The following FARS2 variants were observed in gnomAD, a reference collection of about 807,000 sequenced individuals.
FARS2 encodes phenylalanyl-tRNA synthetase 2, mitochondrial, also known as phenylalanine--tRNA ligase, mitochondrial.
In FARS2, 40 loss-of-function variants were observed where a neutral mutation model predicts 46.4. The ratio of observed to expected loss-of-function variants is 0.86; its 90% CI spans 0.67 to 1.12. The LOEUF is 1.12. FARS2 is among the 50% of genes most tolerant of loss of function. The pLI, the probability that FARS2 is intolerant of heterozygous loss-of-function variation, is 0.00. For synonymous variants in FARS2, 234 were observed against 214.9 expected, an observed-to-expected ratio of 1.09 and a Z score of -0.78; for missense variants, 513 against 567.9, an observed-to-expected ratio of 0.90 and a Z score of 0.98.
At chr6:5,287,507 C>T (rs901914910) in intron 1 of FARS2, among the ~76,000 whole-genome samples, 1 of 152,142 alleles carries the variant, frequency 6.6e-6, no homozygotes, top group African/African-American at 2.4e-5. Context: ...TCTTGCTCTC[C>T]CGTGTCCCTG....
rs1762680993 is a variant in FARS2 at position 5,765,071 on chromosome 6, A to T, written c.1218-6220A>T. On this transcript the variant is annotated intron_variant, in intron 6 of 6. Transcript: ENST00000274680. This position sits in a 1 kb window ranked among gnomAD's most constrained non-coding sequence, Gnocchi z 4.0. ...GCTTCACTGATCCAGCCCTGACTAT[A>T]CTCAGCACCTATACATCCTTGTCTT... is the stretch of plus-strand genomic sequence containing the variant. Among the ~76,000 whole-genome samples the T allele has an allele frequency of 6.6e-6, 1 of 152,144 alleles. No homozygotes were observed. The highest frequency in any genetic ancestry group is 6.5e-5 in the Admixed American group (1 of 15,274).
At chr6:5,386,141 G>A (rs1760119908) in intron 2 of FARS2, among the ~76,000 whole-genome samples, 1 of 152,160 alleles carries the variant, frequency 6.6e-6, no homozygotes, top group Admixed American at 6.5e-5. Context: ...ATTCCTGGGG[G>A]TAATAATAGA....
intron 4 of FARS2, among the ~76,000 whole-genome samples, chr6:5,495,007 C>T (rs1321725108): frequency 6.6e-6 from 1 of 152,184 alleles, no homozygotes; most frequent in Non-Finnish European, 1.5e-5. Flanking sequence ...TCAGAATACA[C>T]CTCCTAAAAT....
chr6:5,345,211 C>A (rs541514723), intron 1 of FARS2, among the ~76,000 whole-genome samples: 1 of 148,854 alleles, frequency 6.7e-6, no homozygotes, highest in South Asian at 2.2e-4. Context: ...AAAAAAAAAA[C>A]GCCATTATAA....
At chr6:5,547,459 C>T (rs1000969878) in intron 5 of FARS2, among the ~76,000 whole-genome samples, 4 of 151,890 alleles carry the variant, frequency 2.6e-5, no homozygotes, top group African/African-American at 9.7e-5. Flanking sequence ...ATGCTTTCTA[C>T]CTTCTGGCTG....
At chr6:5,407,890 T>G (rs1761705592) in intron 3 of FARS2, among the ~76,000 whole-genome samples, 1 of 152,234 alleles carries the variant, frequency 6.6e-6, no homozygotes, top group Non-Finnish European at 1.5e-5. Flanking sequence ...ATTGAGCTGT[T>G]CAGGCCATTT....
intron 1 of FARS2, among the ~76,000 whole-genome samples, chr6:5,365,131 C>T (rs1173653752): frequency 1.3e-5 from 2 of 150,856 alleles, no homozygotes; most frequent in African/African-American, 4.9e-5. Context: ...TCTGTAAATA[C>T]TTATTTCATT....
Position 5,311,401 on chromosome 6 carries a change from C to T in FARS2, c.-22+49741C>T, listed in dbSNP as rs1363477817. On this transcript the variant is annotated intron_variant, in intron 1 of 6. Coordinates refer to ENST00000274680, the MANE Select transcript of FARS2 (RefSeq NM_006567.5). This position sits in a 1 kb window ranked among gnomAD's most constrained non-coding sequence, Gnocchi z 4.1. ...GGAGATACAGAAGGGGGTCCTATTT[C>T]AGTCACGTGTGTGTGTGTGTACATT... is the stretch of plus-strand genomic sequence containing the variant. 6.6e-6 allele frequency among the ~76,000 whole-genome samples: 1 copy of T among 152,184 alleles called. No individual in the cohort carries two copies. Among genetic ancestry groups the T allele is most frequent in the East Asian group, 1.9e-4 (1 of 5,202 alleles).
chr6:5,290,200 C>G (rs1323279902), intron 1 of FARS2, among the ~76,000 whole-genome samples: 1 of 152,152 alleles, frequency 6.6e-6, no homozygotes, highest in East Asian at 1.9e-4. Flanking sequence ...ATTTTACCCC[C>G]ATTTATCTGT....
At chr6:5,356,816 A>G (rs1333306053) in intron 1 of FARS2, among the ~76,000 whole-genome samples, 1 of 152,254 alleles carries the variant, frequency 6.6e-6, no homozygotes, top group African/African-American at 2.4e-5. Flanking sequence ...ACTATACTGC[A>G]GATAAGAAGA....
chr6:5,406,747 T>C (rs940365084), intron 3 of FARS2, among the ~76,000 whole-genome samples: 13 of 151,904 alleles, frequency 8.6e-5, no homozygotes, highest in African/African-American at 3.1e-4. Context: ...TCAGTCTTTC[T>C]GGGTCGTACG....
the FARS2 span, among the ~76,000 whole-genome samples, chr6:5,254,509 A>G: frequency 6.6e-6 from 1 of 152,174 alleles, no homozygotes; most frequent in Non-Finnish European, 1.5e-5. Context: ...ATGGCCCAAA[A>G]CCGCAATTAC....
chr6:5,274,305 G>T (rs1017584554), intron 1 of FARS2, among the ~76,000 whole-genome samples: 6 of 152,118 alleles, frequency 3.9e-5, no homozygotes, highest in African/African-American at 1.4e-4. Flanking sequence ...ATTGTAATGC[G>T]GTCTTAGGCT....
At chr6:5,569,336 G>A (rs1240841305) in intron 5 of FARS2, among the ~76,000 whole-genome samples, 1 of 151,586 alleles carries the variant, frequency 6.6e-6, no homozygotes, top group Admixed American at 6.6e-5. Context: ...AACTGGGCTC[G>A]GTCGATCCTC....
intron 4 of FARS2, among the ~76,000 whole-genome samples, chr6:5,497,248 TG>T (rs1767526937): frequency 6.6e-6 from 1 of 152,228 alleles, no homozygotes; most frequent in Non-Finnish European, 1.5e-5. Flanking sequence ...CTGTTTGAAA[TG>T]ACTGAGTCCA....
chr6:5,570,613 C>A (rs868562199), intron 5 of FARS2, among the ~76,000 whole-genome samples: 1 of 152,178 alleles, frequency 6.6e-6, no homozygotes, highest in Non-Finnish European at 1.5e-5. Context: ...AATTGTATTA[C>A]GCCATTTAGC....
chr6:5,511,884 A>G (rs1438761229), intron 4 of FARS2, among the ~76,000 whole-genome samples: 5 of 152,330 alleles, frequency 3.3e-5, no homozygotes, highest in African/African-American at 1.2e-4. Context: ...TAGAGGATAC[A>G]AGAAACCTCT....
intron 6 of FARS2, among the ~76,000 whole-genome samples, chr6:5,637,505 G>A (rs1429891651): frequency 2.0e-5 from 3 of 152,096 alleles, no homozygotes; most frequent in Admixed American, 1.3e-4. Context: ...AGACAGCATC[G>A]CCCTCAGCAG....
chr6:5,669,871 C>T (rs1368374350), intron 6 of FARS2, among the ~76,000 whole-genome samples: 1 of 152,154 alleles, frequency 6.6e-6, no homozygotes, highest in Non-Finnish European at 1.5e-5. Flanking sequence ...ACCCCTTCTG[C>T]CTGCCTCTAA....
Sources: allele counts gnomAD v4.1 joint callset (sites outside exome capture counted in the v4.1 genomes callset), GRCh38; gene constraint gnomAD v4.1.1; non-coding constraint Gnocchi (gnomAD v3.1); transcripts MANE v1.5; gene names NCBI Gene and HGNC (gene_info 2026-07-23, HGNC 2026-07-21).